The following METTL22 variants were observed in gnomAD, a reference collection of about 807,000 sequenced individuals.
METTL22 encodes the protein methyltransferase 22, Kin17 lysine.
METTL22 carries 51 observed loss-of-function variants against 48.4 expected under a neutral mutation model. The observed-to-expected ratio is 1.05, with a 90% CI of 0.84 to 1.33. The LOEUF (loss-of-function observed/expected upper bound fraction) is 1.33. Ranked by LOEUF, METTL22 falls within the 40% of genes most tolerant of loss-of-function variation. METTL22 has a pLI of 0.00. For missense variants in METTL22, 678 were observed against 526.9 expected (o/e 1.29, Z -2.81); for synonymous variants, 255 against 214.1 (o/e 1.19, Z -1.67).
At chr16:8,633,730 G>A (rs1402536575) in intron 3 of METTL22, among the ~76,000 whole-genome samples, 1 of 152,198 alleles carries the variant, frequency 6.6e-6, no homozygotes, top group Non-Finnish European at 1.5e-5. Flanking sequence ...AATAATACTC[G>A]AAGCTGTCAT....
chr16:8,642,751 G>A (rs925120192), intron 9 of METTL22, 186 bp downstream of exon 9: 2 of 640,902 alleles, frequency 3.1e-6, no homozygotes, highest in Non-Finnish European at 2.8e-6. Context: ...TCCTAGCCCT[G>A]TGTGCAGGCG....
chr16:8,646,195 T>C lies in METTL22; in HGVS notation c.*52T>C. 3.1e-6 allele frequency: 5 copies of C among 1,604,110 alleles called. No individual in the cohort carries two copies. The highest frequency in any genetic ancestry group is 3.4e-6 in the Non-Finnish European group (4 of 1,171,660). On this transcript the variant is annotated 3_prime_UTR_variant, in exon 11 of 11. Coordinates refer to ENST00000381920, the MANE Select transcript of METTL22 (RefSeq NM_024109.4). The stretch of plus-strand genomic sequence containing the variant: ...CTCGACTGTTCTTAGAGTGTATTTC[T>C]AGTAAAATCAGAAGCTCACCAAAGC...
At chr16:8,658,268 C>A in the METTL22 span, among the ~76,000 whole-genome samples, 8 of 152,186 alleles carry the variant, frequency 5.3e-5, no homozygotes, top group African/African-American at 1.7e-4. Flanking sequence ...TCCCCTTGAG[C>A]CTTTGGAGGC....
chr16:8,646,831 C>A lies in METTL22; in HGVS notation c.*688C>A, dbSNP rs544765824. On this transcript the variant is annotated 3_prime_UTR_variant, in exon 11 of 11. Transcript: ENST00000381920. ...TTCCCTTCCGCCTGGACTCATTTTC[C>A]CTCCGCCCCTTGGTCTCTCTGTCTT... 7.7e-5 allele frequency: 29 copies of A among 377,526 alleles called. No individual in the cohort carries two copies. In the Middle Eastern group the frequency reaches 2.1e-3, roughly 27 times the overall value. 23.4% of individuals were successfully genotyped at this position (377,526 alleles called of 1,614,324 possible). A position where few individuals can be genotyped will look rare whatever the true frequency, so the allele number is the denominator to read the frequency against.
chr16:8,646,019 C>T (rs772945962), intron 10 of METTL22, 89 bp from the exon 11 acceptor site: 44 of 1,586,334 alleles, frequency 2.8e-5, no homozygotes, highest in Non-Finnish European at 3.8e-5. Context: ...TGTCTAACTA[C>T]TCTCCTTGGT....
intron 2 of METTL22, among the ~76,000 whole-genome samples, chr16:8,628,166 C>G (rs1226219925): frequency 6.6e-6 from 1 of 152,202 alleles, no homozygotes; most frequent in East Asian, 1.9e-4. Flanking sequence ...CTGTAATTAT[C>G]TTGTTTACTT....
intron 3 of METTL22, among the ~76,000 whole-genome samples, chr16:8,632,543 A>G (rs1313613582): frequency 6.6e-6 from 1 of 152,030 alleles, no homozygotes; most frequent in Admixed American, 6.5e-5. Flanking sequence ...TTTTTTTCTC[A>G]GACTATGACC....
At chr16:8,661,462 T>C in the METTL22 span, among the ~76,000 whole-genome samples, 10 of 144,188 alleles carry the variant, frequency 6.9e-5, 1 homozygote, top group South Asian at 6.8e-4. Context: ...CTGGCTAAAA[T>C]GGTGAAACCC....
At chr16:8,644,015 A>G (rs1367621744) in intron 9 of METTL22, among the ~76,000 whole-genome samples, 2 of 152,234 alleles carry the variant, frequency 1.3e-5, no homozygotes, top group African/African-American at 2.4e-5. Flanking sequence ...AAGTGAAACC[A>G]TCTTGTAGAC....
chr16:8,626,632 A>T (rs2056064438), intron 2 of METTL22, among the ~76,000 whole-genome samples: 1 of 145,614 alleles, frequency 6.9e-6, no homozygotes, highest in Non-Finnish European at 1.5e-5. Flanking sequence ...TATTTTTAGT[A>T]CAGACAGAGT....
chr16:8,633,545 G>T (rs2056329808), intron 3 of METTL22, among the ~76,000 whole-genome samples: 1 of 152,236 alleles, frequency 6.6e-6, no homozygotes, highest in African/African-American at 2.4e-5. Flanking sequence ...GGTGGAGGCT[G>T]CAGTGAGCCT....
chr16:8,630,272 G>A (rs554374993), intron 3 of METTL22, among the ~76,000 whole-genome samples: 3 of 152,318 alleles, frequency 2.0e-5, no homozygotes, highest in African/African-American at 4.8e-5. Context: ...AGAGGGCAAC[G>A]TGGAACTCAT....
the METTL22 span, among the ~76,000 whole-genome samples, chr16:8,656,727 T>C: frequency 1.8e-4 from 27 of 152,374 alleles, no homozygotes; most frequent in African/African-American, 6.5e-4. Flanking sequence ...GAAGCTGTCT[T>C]ACTCCATTTT....
chr16:8,644,813 C>A (rs1460010083), intron 10 of METTL22, 88 bp downstream of exon 10: 2 of 1,338,910 alleles, frequency 1.5e-6, no homozygotes, highest in African/African-American at 1.5e-5. Flanking sequence ...GCAAGCCCTC[C>A]AAGCACAGGC....
chr16:8,658,731 C>T, the METTL22 span, among the ~76,000 whole-genome samples: 6 of 152,192 alleles, frequency 3.9e-5, 1 homozygote, highest in Non-Finnish European at 8.8e-5. Flanking sequence ...CTTGGCTTTT[C>T]AGTCCAGATT....
the METTL22 span, among the ~76,000 whole-genome samples, chr16:8,661,821 C>T: frequency 2.8e-5 from 4 of 144,392 alleles, 2 homozygotes; most frequent in African/African-American, 1.0e-4. Context: ...AATCCTCCCA[C>T]TTTGGCCTCT....
chr16:8,635,035 C>T lies in METTL22; in HGVS notation c.515-4C>T. ...GCATTTCTCTTGGTTTCTGTCCCAT[C>T]CAGAGCACACCATGGCCACGCCCCT... is the stretch of plus-strand genomic sequence containing the variant. On this transcript the variant is annotated splice_polypyrimidine_tract_variant and splice_region_variant and intron_variant, in intron 3 of 10. Coordinates refer to ENST00000381920, the MANE Select transcript of METTL22 (RefSeq NM_024109.4). 1 of 1,613,458 alleles carries T rather than the reference C, an allele frequency of 6.2e-7. No individual in the cohort carries two copies. Among genetic ancestry groups the T allele is most frequent in the Non-Finnish European group, 8.5e-7 (1 of 1,180,046 alleles).
At position 8,635,282 on chromosome 16, in the gene METTL22, G is replaced by T; in HGVS notation, c.670G>T (p.Ala224Ser). The T allele has an allele frequency of 2.5e-6, 4 of 1,598,398 alleles. No individual in the cohort carries two copies. Residue 224 changes from alanine to serine, a missense_variant, in exon 5 of 11, where the codon GCC becomes TCC. Physicochemically the swap from Ala to Ser is moderately conservative, Grantham distance 99. Transcript: ENST00000381920. Reference protein sequence around the residue: ...AGTGLASIIAATMARTVYCTD... With the variant: ...AGTGLASIIASTMARTVYCTD... The stretch of plus-strand genomic sequence containing the variant: ...CACGGGGCTCGCTAGCATCATCGCA[G>T]CCACCATGGCACGGACCGTTTATTG...
rs1358085733 is a variant in METTL22 at position 8,649,150 on chromosome 16, C to T, written c.*3007C>T. The stretch of plus-strand genomic sequence containing the variant: ...CAAGCAATAGAGTTGTCACAGCTTT[C>T]ACCTGCCGCATTAGGGCAAACTGCT... On this transcript the variant is annotated 3_prime_UTR_variant, in exon 11 of 11. Coordinates refer to ENST00000381920, the MANE Select transcript of METTL22 (RefSeq NM_024109.4). 1 of 152,210 alleles carries T rather than the reference C, an allele frequency of 6.6e-6. No homozygotes were observed. Among genetic ancestry groups the T allele is most frequent in the East Asian group, 1.9e-4 (1 of 5,202 alleles). The allele number at this position is 152,210 out of a possible 1,614,324, so 9.4% of individuals were successfully genotyped here. A position where few individuals can be genotyped will look rare whatever the true frequency, so the allele number is the denominator to read the frequency against.
Sources: gnomAD v4.1 joint callset for allele counts (sites outside exome capture counted in the v4.1 genomes callset) on GRCh38, gnomAD v4.1.1 for gene constraint, MANE v1.5 for transcripts, NCBI Gene and HGNC (gene_info 2026-07-23, HGNC 2026-07-21) for gene names.